The following KCNN2 variants were observed in gnomAD, a reference collection of about 807,000 sequenced individuals.
KCNN2 encodes potassium calcium-activated channel subfamily N member 2, also known as small conductance calcium-activated potassium channel protein 2.
In KCNN2, 24 loss-of-function variants were observed where a neutral mutation model predicts 55.5. That is an observed-to-expected ratio of 0.43 (90% CI 0.31 to 0.61). The LOEUF (loss-of-function observed/expected upper bound fraction) is 0.61. Ranked by LOEUF, KCNN2 falls within the 20% of genes least tolerant of loss-of-function variation. The pLI, the probability that KCNN2 is intolerant of heterozygous loss-of-function variation, is 0.08. For synonymous variants in KCNN2, 431 were observed against 336.1 expected (o/e 1.28, Z -3.09); for missense variants, 754 against 853.6 (o/e 0.88, Z 1.45).
chr5:114,447,840 A>G (rs1373364677), intron 3 of KCNN2, among the ~76,000 whole-genome samples: 2 of 152,212 alleles, frequency 1.3e-5, no homozygotes, highest in Non-Finnish European at 2.9e-5. Context: ...TTTTGCTTCT[A>G]CAGGTGAAAA....
intron 2 of KCNN2, among the ~76,000 whole-genome samples, chr5:114,328,067 T>C (rs1432536670): frequency 6.6e-6 from 1 of 152,224 alleles, no homozygotes; most frequent in Non-Finnish European, 1.5e-5. Flanking sequence ...TTATTAAGGC[T>C]TATACTGATT....
intron 1 of KCNN2, among the ~76,000 whole-genome samples, chr5:114,082,478 G>T (rs185815309): frequency 7.2e-5 from 11 of 152,250 alleles, no homozygotes; most frequent in Admixed American, 7.2e-4. Flanking sequence ...GAACTCTTCT[G>T]CAGTGTTGGT....
At chr5:114,399,031 T>G (rs1308615549) in intron 2 of KCNN2, among the ~76,000 whole-genome samples, 1 of 152,222 alleles carries the variant, frequency 6.6e-6, no homozygotes, top group East Asian at 1.9e-4. Flanking sequence ...GGATTCATTT[T>G]ATTTCTTTCT....
chr5:114,379,607 A>G (rs1159335390), intron 2 of KCNN2, among the ~76,000 whole-genome samples: 2 of 98,016 alleles, frequency 2.0e-5, no homozygotes, highest in African/African-American at 1.1e-4. Flanking sequence ...TATATATTTT[A>G]GAATATATTA....
intron 2 of KCNN2, among the ~76,000 whole-genome samples, chr5:114,350,719 C>T (rs962117513): frequency 6.6e-6 from 1 of 151,760 alleles, no homozygotes; most frequent in Non-Finnish European, 1.5e-5. Context: ...ATTGTTCTAT[C>T]CCCCAATGAA....
intron 3 of KCNN2, among the ~76,000 whole-genome samples, chr5:114,450,293 T>A (rs2150103334): frequency 6.6e-6 from 1 of 152,302 alleles, no homozygotes; most frequent in South Asian, 2.1e-4. Context: ...GGTAAGGGAA[T>A]CTTTGGGCCT....
chr5:114,440,913 C>CT (rs55879228), intron 3 of KCNN2, among the ~76,000 whole-genome samples: 28 of 151,562 alleles, frequency 1.8e-4, no homozygotes, highest in Non-Finnish European at 3.2e-4. Context: ...AAATGATATT[C>CT]TTTTTTTTAT....
chr5:114,449,056 G>T (rs1760536205), intron 3 of KCNN2, among the ~76,000 whole-genome samples: 1 of 152,058 alleles, frequency 6.6e-6, no homozygotes, highest in Non-Finnish European at 1.5e-5. Flanking sequence ...CAGCTGAGGG[G>T]GCCCAAAAAT....
chr5:114,282,998 GTCTTT>G (rs1003688325), intron 2 of KCNN2, among the ~76,000 whole-genome samples: 2 of 152,138 alleles, frequency 1.3e-5, no homozygotes, highest in African/African-American at 2.4e-5. Context: ...TTTTGTTATT[GTCTTT>G]TCTTTTCTGC....
At chr5:114,265,325 GT>G (rs1755187927) in intron 2 of KCNN2, among the ~76,000 whole-genome samples, 3 of 566 alleles carry the variant, frequency 5.3e-3, no homozygotes, top group African/African-American at 0.037. Flanking sequence ...TCAAGAGGAG[GT>G]GTGTGTGTGT....
intron 1 of KCNN2, among the ~76,000 whole-genome samples, chr5:114,072,938 A>G (rs1393791486): frequency 2.0e-5 from 3 of 152,170 alleles, no homozygotes; most frequent in East Asian, 1.9e-4. Context: ...AATAACATCT[A>G]TTTTTATCTC....
At chr5:114,122,814 T>C (rs1378323392) in intron 1 of KCNN2, among the ~76,000 whole-genome samples, 2 of 152,210 alleles carry the variant, frequency 1.3e-5, no homozygotes, top group East Asian at 3.8e-4. Flanking sequence ...GCTGCTTGGC[T>C]GCAGACATAG....
At chr5:114,321,651 GTTT>G (rs57707854) in intron 2 of KCNN2, among the ~76,000 whole-genome samples, 419 of 148,970 alleles carry the variant, frequency 2.8e-3, no homozygotes, top group African/African-American at 9.2e-3. Context: ...CACTGGATTT[GTTT>G]TTTTTTTTTG....
At chr5:114,156,170 T>A (rs1234155064) in intron 1 of KCNN2, among the ~76,000 whole-genome samples, 1 of 152,188 alleles carries the variant, frequency 6.6e-6, no homozygotes, top group Non-Finnish European at 1.5e-5. Context: ...TTTGTCAGGT[T>A]TGTCAAAGAT....
chr5:114,367,080 C>G (rs1182600408), intron 2 of KCNN2, among the ~76,000 whole-genome samples: 1 of 152,164 alleles, frequency 6.6e-6, no homozygotes, highest in Non-Finnish European at 1.5e-5. Context: ...GAGGCCCTGA[C>G]ATTTTCATGG....
chr5:114,159,636 A>C (rs1265347197), intron 1 of KCNN2, among the ~76,000 whole-genome samples: 1 of 151,974 alleles, frequency 6.6e-6, no homozygotes, highest in East Asian at 1.9e-4. Context: ...CTGGTCCTGG[A>C]CTTTTTTTGG....
chr5:114,141,893 G>T (rs1418560109), intron 1 of KCNN2, among the ~76,000 whole-genome samples: 1 of 152,072 alleles, frequency 6.6e-6, no homozygotes, highest in Admixed American at 6.6e-5. Flanking sequence ...GATGATGAGC[G>T]TTTTTTCATG....
At chr5:114,253,702 G>A (rs946708561) in intron 2 of KCNN2, 1 of 152,156 alleles carries the variant, frequency 6.6e-6, no homozygotes, top group Non-Finnish European at 1.5e-5. Flanking sequence ...TCCCCTGCTG[G>A]AACCTCCAAA....
At chr5:114,123,663 T>TA (rs1751872420) in intron 1 of KCNN2, among the ~76,000 whole-genome samples, 3 of 63,576 alleles carry the variant, frequency 4.7e-5, no homozygotes, top group African/African-American at 1.0e-4. Flanking sequence ...GCGCCCGGCC[T>TA]CATTTTCTTA....
Sources: allele counts gnomAD v4.1 joint callset (sites outside exome capture counted in the v4.1 genomes callset), GRCh38; gene constraint gnomAD v4.1.1; transcripts MANE v1.5; gene names NCBI Gene and HGNC (gene_info 2026-07-23, HGNC 2026-07-21).